The following CMTM4 variants were observed in gnomAD, a reference collection of about 807,000 sequenced individuals.
The protein encoded by CMTM4 is CKLF like MARVEL transmembrane domain containing 4.
A neutral mutation model predicts 19.0 loss-of-function variants in CMTM4; 8 were observed. The observed-to-expected ratio is 0.42, with a 90% confidence interval of 0.25 to 0.76. CMTM4 has a LOEUF of 0.76. Ranked by LOEUF, CMTM4 falls within the 30% of genes least tolerant of loss-of-function variation. The pLI, the probability that CMTM4 is intolerant of heterozygous loss-of-function variation, is 0.27. For synonymous variants in CMTM4, 106 were observed against 121.1 expected, an observed-to-expected ratio of 0.88 and a Z score of 0.82; for missense variants, 228 against 290.2, an observed-to-expected ratio of 0.79 and a Z score of 1.56.
intron 2 of CMTM4, among the ~76,000 whole-genome samples, chr16:66,628,309 G>A (rs896061523): frequency 2.6e-5 from 4 of 152,156 alleles, no homozygotes; most frequent in Admixed American, 6.5e-5. Flanking sequence ...GACCCTTTAC[G>A]GGTGTCGGGC....
chr16:66,621,109 C>T lies in CMTM4; in HGVS notation c.*949G>A, dbSNP rs1211371718. 1 of 985,736 alleles carries T rather than the reference C, an allele frequency of 1.0e-6. No homozygotes were observed. The highest frequency in any genetic ancestry group is 1.2e-6 in the Non-Finnish European group (1 of 829,912). 61.1% of individuals were successfully genotyped at this position (985,736 alleles called of 1,614,324 possible). A position where few individuals can be genotyped will look rare whatever the true frequency, so the allele number is the denominator to read the frequency against. Reference sequence around the variant, plus strand: ...GAATCATTTTAGAACTCTTTGCAGGCATTTAGAAAATTAGCACACATCCCT... The same window carrying T: ...GAATCATTTTAGAACTCTTTGCAGGTATTTAGAAAATTAGCACACATCCCT... On this transcript the variant is annotated 3_prime_UTR_variant, in exon 4 of 4. Coordinates refer to ENST00000394106, the MANE Select transcript of CMTM4 (RefSeq NM_181521.3).
rs1305420200 is a variant in CMTM4 at position 66,620,468 on chromosome 16, C to T, written c.*1590G>A. The T allele has an allele frequency of 6.1e-6, 6 of 985,386 alleles. No individual in the cohort carries two copies. The African/African-American group carries it at 7.0e-5, about 11-fold the overall frequency. The allele number at this position is 985,386 out of a possible 1,614,324, so 61.0% of individuals were successfully genotyped here. On this transcript the variant is annotated 3_prime_UTR_variant, in exon 4 of 4. Transcript: ENST00000394106. ...TGGTGCAGGAAGCTAACCCCAACTCCGACCCCCAGCCCAGCAGTGTTGCCT... is the reference window on the plus strand; with the variant it reads ...TGGTGCAGGAAGCTAACCCCAACTCTGACCCCCAGCCCAGCAGTGTTGCCT...
intron 1 of CMTM4, among the ~76,000 whole-genome samples, chr16:66,676,391 C>T (rs1157470438): frequency 6.6e-6 from 1 of 152,180 alleles, no homozygotes; most frequent in African/African-American, 2.4e-5. Context: ...AACTGTCCCA[C>T]ATCTTGCCTC....
In CMTM4 at chr16:66,618,660, A is replaced by C. The variant is rs2144773603; in HGVS notation, c.*3398T>G. 1.0e-6 allele frequency: 1 copy of C among 985,502 alleles called. No individual in the cohort carries two copies. The highest frequency in any genetic ancestry group is 1.1e-4 in the East Asian group (1 of 8,812). 61.0% of individuals were successfully genotyped at this position (985,502 alleles called of 1,614,324 possible). On this transcript the variant is annotated 3_prime_UTR_variant, in exon 4 of 4. Transcript: ENST00000394106. ...GTACATGAGTGCACAAAGGTGTTGGAGCTTGGTCTCCTCAGGCTTAACCCA... is the reference window on the plus strand; with the variant it reads ...GTACATGAGTGCACAAAGGTGTTGGCGCTTGGTCTCCTCAGGCTTAACCCA...
At chr16:66,654,208 A>T (rs1013821872) in intron 1 of CMTM4, among the ~76,000 whole-genome samples, 14 of 152,258 alleles carry the variant, frequency 9.2e-5, no homozygotes, top group African/African-American at 3.1e-4. Context: ...TCCTATTGAC[A>T]AGCAAAGTGA....
chr16:66,694,054 AAGAG>A (rs1406223844), intron 1 of CMTM4, among the ~76,000 whole-genome samples: 2 of 151,800 alleles, frequency 1.3e-5, no homozygotes, highest in Non-Finnish European at 2.9e-5. Flanking sequence ...AGTGAGAAGA[AAGAG>A]AGAGGGAGAG....
At position 66,617,229 on chromosome 16, in the gene CMTM4, AC is replaced by A. The variant is rs752810252; in HGVS notation, c.*4828del. ...AAAAACAAACATAGACAACAAACTT[AC>A]CCTATGAAATAGATACACAGTTCAA... On this transcript the variant is annotated 3_prime_UTR_variant, in exon 4 of 4. Coordinates refer to ENST00000394106, the MANE Select transcript of CMTM4 (RefSeq NM_181521.3). 20 of 1,575,504 alleles carry A rather than the reference AC, an allele frequency of 1.3e-5. 1 individual carries two copies. In the Admixed American group the frequency reaches 3.0e-4, roughly 23 times the overall value.
intron 1 of CMTM4, among the ~76,000 whole-genome samples, chr16:66,644,238 T>C (rs2016148253): frequency 6.6e-6 from 1 of 152,214 alleles, no homozygotes; most frequent in South Asian, 2.1e-4. Flanking sequence ...GACAAACTCC[T>C]ACACATGTTC....
At chr16:66,606,144 G>A in the CMTM4 span, among the ~76,000 whole-genome samples, 1 of 152,076 alleles carries the variant, frequency 6.6e-6, no homozygotes. Context: ...AAGGAAGGGT[G>A]AACGGTCAGC....
In CMTM4 at chr16:66,618,102, C is replaced by A. The variant is rs190688273; in HGVS notation, c.*3956G>T. ...GTGGGTGCTGATAAAATAAGACAAA[C>A]CTGGAAAAAACCCTGGATTCTGCAA... On this transcript the variant is annotated 3_prime_UTR_variant, in exon 4 of 4. Transcript: ENST00000394106. The A allele has an allele frequency of 1.0e-6, 1 of 985,396 alleles. No individual in the cohort carries two copies. The highest frequency in any genetic ancestry group is 1.7e-5 in the African/African-American group (1 of 57,330). The allele number at this position is 985,396 out of a possible 1,614,324, so 61.0% of individuals were successfully genotyped here.
At chr16:66,681,804 T>C (rs1484296749) in intron 1 of CMTM4, among the ~76,000 whole-genome samples, 2 of 152,172 alleles carry the variant, frequency 1.3e-5, no homozygotes, top group Non-Finnish European at 2.9e-5. Flanking sequence ...GTCAAATCAC[T>C]TGCCCTTCCC....
chr16:66,663,430 C>G (rs1486754827), intron 1 of CMTM4, among the ~76,000 whole-genome samples: 1 of 151,572 alleles, frequency 6.6e-6, no homozygotes, highest in African/African-American at 2.4e-5. Flanking sequence ...TACTGGAGCC[C>G]AGGAGTTCAA....
At chr16:66,660,906 C>CGGTG (rs771187532) in intron 1 of CMTM4, among the ~76,000 whole-genome samples, 1 of 152,120 alleles carries the variant, frequency 6.6e-6, no homozygotes, top group African/African-American at 2.4e-5. Context: ...GTTTACCGCA[C>CGGTG]GGTGGGGCCT....
chr16:66,674,154 C>T (rs891569257), intron 1 of CMTM4, among the ~76,000 whole-genome samples: 1 of 152,190 alleles, frequency 6.6e-6, no homozygotes, highest in African/African-American at 2.4e-5. Context: ...GTCTGGTCTG[C>T]GAAGGGAGGA....
chr16:66,643,258 G>A lies in CMTM4; in HGVS notation c.187-6677C>T, dbSNP rs141774565. On this transcript the variant is annotated intron_variant, in intron 1 of 3. Transcript: ENST00000394106. The stretch of plus-strand genomic sequence containing the variant: ...TTTGGCATTCAGCTAACTGGAAGTT[G>A]AGTGAGGGATACATTAAATTTGGGT... 3.7e-3 allele frequency among the ~76,000 whole-genome samples: 557 copies of A among 152,292 alleles called. 4 individuals are homozygous for A. Among genetic ancestry groups the A allele is most frequent in the Non-Finnish European group, 5.1e-3 (345 of 68,028 alleles).
Position 66,618,321 on chromosome 16 carries a change from A to G in CMTM4, c.*3737T>C. On this transcript the variant is annotated 3_prime_UTR_variant, in exon 4 of 4. Transcript: ENST00000394106. ...GATCTGGAGAAGATGACAGTCAGGCAGTGGCACAAAGACTTCATGACTGTT... is the reference window on the plus strand; with the variant it reads ...GATCTGGAGAAGATGACAGTCAGGCGGTGGCACAAAGACTTCATGACTGTT... 1.0e-6 allele frequency: 1 copy of G among 985,480 alleles called. No homozygotes were observed. Among genetic ancestry groups the G allele is most frequent in the Non-Finnish European group, 1.2e-6 (1 of 829,938 alleles). The allele number at this position is 985,480 out of a possible 1,614,324, so 61.0% of individuals were successfully genotyped here.
chr16:66,687,410 A>G (rs1263269884), intron 1 of CMTM4, among the ~76,000 whole-genome samples: 1 of 152,136 alleles, frequency 6.6e-6, no homozygotes, highest in Non-Finnish European at 1.5e-5. Flanking sequence ...TCATGCCTGT[A>G]AACCTTGGAC....
Position 66,617,111 on chromosome 16 carries a change from G to T in CMTM4, c.*4947C>A, listed in dbSNP as rs1045601287. On this transcript the variant is annotated 3_prime_UTR_variant, in exon 4 of 4. Transcript: ENST00000394106. ...AGCTCCCTGGGGGTCCAAGCCAAAG[G>T]CTCCCTGGCCTTTGTGTATTATGCA... 8.4e-6 allele frequency: 5 copies of T among 594,616 alleles called. No homozygotes were observed. The highest frequency in any genetic ancestry group is 1.4e-5 in the Non-Finnish European group (5 of 357,276). 36.8% of individuals were successfully genotyped at this position (594,616 alleles called of 1,614,324 possible). A position where few individuals can be genotyped will look rare whatever the true frequency, so the allele number is the denominator to read the frequency against.
intron 1 of CMTM4, among the ~76,000 whole-genome samples, chr16:66,686,860 G>A (rs1451635168): frequency 1.5e-5 from 2 of 136,708 alleles, no homozygotes; most frequent in African/African-American, 3.6e-5. Flanking sequence ...CTACACTCAT[G>A]AGGACATTTA....
Sources: allele counts gnomAD v4.1 joint callset (sites outside exome capture counted in the v4.1 genomes callset), GRCh38; gene constraint gnomAD v4.1.1; transcripts MANE v1.5; gene names NCBI Gene and HGNC (gene_info 2026-07-23, HGNC 2026-07-21).